Variants in RNLS observed in about 807,000 individuals in gnomAD.
RNLS encodes the protein renalase, FAD dependent amine oxidase.
In RNLS, 39 loss-of-function variants were observed where a neutral mutation model predicts 39.8. That is an observed-to-expected ratio of 0.98 (90% confidence interval 0.76 to 1.28). The LOEUF (loss-of-function observed/expected upper bound fraction) is 1.28. RNLS is among the 50% of genes most tolerant of loss of function. The pLI is 0.00. For synonymous variants in RNLS, 147 were observed against 150.7 expected (o/e 0.98, Z 0.18); for missense variants, 410 against 413.3 (o/e 0.99, Z 0.07).
the RNLS span, among the ~76,000 whole-genome samples, chr10:88,206,517 C>A: frequency 6.6e-6 from 1 of 152,118 alleles, no homozygotes; most frequent in Non-Finnish European, 1.5e-5. Flanking sequence ...TCTGAGATAG[C>A]GCTGAAGAAT....
At chr10:88,351,114 A>G (rs907744146) in intron 5 of RNLS, among the ~76,000 whole-genome samples, 2 of 152,062 alleles carry the variant, frequency 1.3e-5, no homozygotes, top group African/African-American at 4.8e-5. Flanking sequence ...AGTTCTTTCT[A>G]GATTCAGGAT....
intron 4 of RNLS, among the ~76,000 whole-genome samples, chr10:88,516,056 C>A (rs2134174534): frequency 6.6e-6 from 1 of 152,106 alleles, no homozygotes; most frequent in South Asian, 2.1e-4. Flanking sequence ...AGAAGGCAAC[C>A]ATCTGCAAGC....
chr10:88,558,479 C>T (rs1848993241), intron 4 of RNLS, among the ~76,000 whole-genome samples: 1 of 152,108 alleles, frequency 6.6e-6, no homozygotes, highest in African/African-American at 2.4e-5. Context: ...TCTGACACAA[C>T]TAATTAGTTC....
the RNLS span, among the ~76,000 whole-genome samples, chr10:88,191,979 C>A: frequency 1.3e-5 from 2 of 151,672 alleles, no homozygotes; most frequent in Non-Finnish European, 2.9e-5. Context: ...TTCTTCTATA[C>A]CTTTGTCTCC....
In RNLS at chr10:88,583,083, A is replaced by G; in HGVS notation, c.108T>C (p.Ala36=). Residue 36 remains alanine (A), a synonymous_variant, in exon 1 of 7, where the codon GCT becomes GCC. Coordinates refer to ENST00000331772, the MANE Select transcript of RNLS (RefSeq NM_001031709.3). ...GTTTAGACAACCCACCTGAGTCCTCAGCCTTGTCCCACACAGCAAGGTACA... is the reference window on the plus strand; with the variant it reads ...GTTTAGACAACCCACCTGAGTCCTCGGCCTTGTCCCACACAGCAAGGTACA... ...GPLYLAVWDK[A]EDSGGRMTTA... The G allele has an allele frequency of 6.2e-7, 1 of 1,612,340 alleles. No individual in the cohort carries two copies. The highest frequency in any genetic ancestry group is 8.5e-7 in the Non-Finnish European group (1 of 1,179,106).
intron 4 of RNLS, among the ~76,000 whole-genome samples, chr10:88,492,208 T>C (rs1844924951): frequency 1.3e-5 from 2 of 152,152 alleles, no homozygotes; most frequent in African/African-American, 4.8e-5. Context: ...CCCCACTCTT[T>C]AGAGCATTTC....
At chr10:88,337,070 A>G (rs1393209650) in intron 5 of RNLS, among the ~76,000 whole-genome samples, 6 of 152,222 alleles carry the variant, frequency 3.9e-5, no homozygotes, top group African/African-American at 1.4e-4. Context: ...TTTTAGGGAG[A>G]AAAAAATACA....
chr10:88,323,576 C>T (rs117077218), intron 5 of RNLS, among the ~76,000 whole-genome samples: 1,573 of 152,140 alleles, frequency 0.01, 10 homozygotes, highest in Middle Eastern at 0.017. Context: ...ACTGGAACAC[C>T]ACCTTTCACC....
At chr10:88,396,005 T>C (rs1852536104) in intron 4 of RNLS, among the ~76,000 whole-genome samples, 1 of 151,940 alleles carries the variant, frequency 6.6e-6, no homozygotes, top group Non-Finnish European at 1.5e-5. Context: ...CCTTCAGAAA[T>C]GAAGGAGAAA....
rs112300310 is a variant in RNLS at position 88,382,263 on chromosome 10, A to G, written c.527-19538T>C. Among the ~76,000 whole-genome samples the G allele has an allele frequency of 1.6e-4, 24 of 152,266 alleles. 1 individual carries two copies. Among genetic ancestry groups the G allele is most frequent in the East Asian group, 1.2e-3 (6 of 5,182 alleles). ...AAATGACAGGTACAGTGGAGTGTAG[A>G]TGACTGTTATCAAATTAGATGGCAA... On this transcript the variant is annotated intron_variant, in intron 4 of 6. Transcript: ENST00000331772.
At chr10:88,207,108 A>G in the RNLS span, among the ~76,000 whole-genome samples, 14 of 152,186 alleles carry the variant, frequency 9.2e-5, no homozygotes, top group Admixed American at 5.2e-4. Context: ...AATCTTTATG[A>G]CCTTGGATTA....
chr10:88,559,893 T>C (rs1236798893), intron 4 of RNLS, among the ~76,000 whole-genome samples: 1 of 152,018 alleles, frequency 6.6e-6, no homozygotes, highest in Non-Finnish European at 1.5e-5. Flanking sequence ...GCACATGTAA[T>C]GGGAAAAATG....
At chr10:88,234,001 A>C in the RNLS span, among the ~76,000 whole-genome samples, 1 of 149,552 alleles carries the variant, frequency 6.7e-6, no homozygotes, top group Non-Finnish European at 1.5e-5. Context: ...TGTATTTAAT[A>C]AAGAGCAGCC....
At chr10:88,171,845 C>G in the RNLS span, among the ~76,000 whole-genome samples, 2 of 152,196 alleles carry the variant, frequency 1.3e-5, no homozygotes, top group Middle Eastern at 3.4e-3. Flanking sequence ...CTTTCCTTCC[C>G]CCTACCCTTC....
chr10:88,567,828 TTCTAAA>T (rs1171292671), intron 4 of RNLS, among the ~76,000 whole-genome samples: 4 of 152,242 alleles, frequency 2.6e-5, no homozygotes, highest in Non-Finnish European at 5.9e-5. Context: ...TCTTCTATAG[TTCTAAA>T]TCTAAGATCT....
At chr10:88,252,435 C>T in the RNLS span, among the ~76,000 whole-genome samples, 3 of 152,178 alleles carry the variant, frequency 2.0e-5, no homozygotes, top group Non-Finnish European at 4.4e-5. Flanking sequence ...GACAAGTACA[C>T]TGTGCAGTTT....
chr10:88,256,077 T>C, the RNLS span, among the ~76,000 whole-genome samples: 11 of 152,204 alleles, frequency 7.2e-5, no homozygotes, highest in Admixed American at 3.9e-4. Context: ...CCGTGGGGAA[T>C]ATTTTTAAAT....
At chr10:88,212,697 T>A in the RNLS span, among the ~76,000 whole-genome samples, 2 of 152,204 alleles carry the variant, frequency 1.3e-5, no homozygotes, top group African/African-American at 4.8e-5. Context: ...AGAAATGTTT[T>A]TCTGCCATAA....
At chr10:88,179,658 GTCAGA>G in the RNLS span, among the ~76,000 whole-genome samples, 7 of 152,158 alleles carry the variant, frequency 4.6e-5, no homozygotes, top group East Asian at 1.3e-3. Flanking sequence ...GAGATTAAAG[GTCAGA>G]GACAGGATTT....
Sources: gnomAD v4.1 joint callset for allele counts (sites outside exome capture counted in the v4.1 genomes callset) on GRCh38, gnomAD v4.1.1 for gene constraint, MANE v1.5 for transcripts, NCBI Gene and HGNC (gene_info 2026-07-23, HGNC 2026-07-21) for gene names.